The following TMEM131L variants were observed in gnomAD, a reference collection of about 807,000 sequenced individuals.
TMEM131L encodes transmembrane protein 131-like.
TMEM131L carries 54 observed loss-of-function variants against 192.2 expected under a neutral mutation model. The observed-to-expected ratio is 0.28, with a 90% CI of 0.23 to 0.35. The LOEUF (loss-of-function observed/expected upper bound fraction) is 0.35. Ranked by LOEUF, TMEM131L falls within the 10% of genes least tolerant of loss-of-function variation. The pLI is 1.00. For missense variants in TMEM131L, 1,888 were observed against 1,972.9 expected (o/e 0.96, Z 0.82); for synonymous variants, 701 against 704.9 (o/e 0.99, Z 0.09).
intron 6 of TMEM131L, 43 bp downstream of exon 6, chr4:153,557,125 T>G (rs1437821177): frequency 3.5e-6 from 3 of 868,106 alleles, no homozygotes; most frequent in Non-Finnish European, 5.9e-6. Flanking sequence ...GTTGGTGACT[T>G]AACTGTAGGG....
intron 26 of TMEM131L, among the ~76,000 whole-genome samples, chr4:153,617,289 C>T (rs1204197722): frequency 6.6e-6 from 1 of 152,166 alleles, no homozygotes; most frequent in African/African-American, 2.4e-5. Flanking sequence ...ACTGTGAGTC[C>T]AGTAAACCTC....
At chr4:153,600,864 A>C (rs180860696) in intron 21 of TMEM131L, among the ~76,000 whole-genome samples, 2 of 152,328 alleles carry the variant, frequency 1.3e-5, no homozygotes, top group Admixed American at 6.5e-5. Context: ...TAATCCCAGC[A>C]CTTTGGGAGC....
At chr4:153,582,935 T>A (rs970154111) in intron 9 of TMEM131L, among the ~76,000 whole-genome samples, 4 of 152,118 alleles carry the variant, frequency 2.6e-5, no homozygotes, top group Admixed American at 2.0e-4. Context: ...ATTTTGCTCC[T>A]GGTAGTTCCT....
In TMEM131L at chr4:153,602,671, G is replaced by C. The variant is rs868411416; in HGVS notation, c.2583G>C (p.Val861=). 1 of 1,614,072 alleles carries C rather than the reference G, an allele frequency of 6.2e-7. No individual in the cohort carries two copies. Among genetic ancestry groups the C allele is most frequent in the South Asian group, 1.1e-5 (1 of 91,080 alleles). The change falls in exon 23 of 35, where the codon GTG becomes GTC. Residue 861 remains valine (V), a synonymous_variant. Coordinates refer to ENST00000409959, the MANE Select transcript of TMEM131L (RefSeq NM_001131007.2). ...ACCTGTTGCCCTTGTGTGCAGACGT[G>C]GTTCCAGGACCCAGCTGGGAGGAGT... ...PHHLLPLCAD[V]VPGPSWEESF...
At chr4:153,509,081 A>C (rs1043406744) in intron 3 of TMEM131L, among the ~76,000 whole-genome samples, 3 of 152,194 alleles carry the variant, frequency 2.0e-5, no homozygotes, top group African/African-American at 7.2e-5. Context: ...GTGGTGGCTC[A>C]TACCTGTTAT....
chr4:153,495,028 T>C (rs1733067969), intron 3 of TMEM131L, among the ~76,000 whole-genome samples: 1 of 152,058 alleles, frequency 6.6e-6, no homozygotes, highest in Non-Finnish European at 1.5e-5. Flanking sequence ...AGAAAGTTGG[T>C]TTTATGGCCA....
chr4:153,622,991 C>G lies in TMEM131L; in HGVS notation c.3953C>G (p.Ala1318Gly). 6.2e-7 allele frequency: 1 copy of G among 1,614,208 alleles called. No individual in the cohort carries two copies. Among genetic ancestry groups the G allele is most frequent in the African/African-American group, 1.3e-5 (1 of 75,050 alleles). The change falls in exon 29 of 35, where the codon GCC becomes GGC. Residue 1318 changes from alanine (A) to glycine (G), a missense_variant. Ala to Gly is a moderately conservative substitution (Grantham distance 60, BLOSUM62 0). Coordinates refer to ENST00000409959, the MANE Select transcript of TMEM131L (RefSeq NM_001131007.2). ...DCGSSSGSVR[A>G]SRGSWGSWSS... ...GGGAGCTCCTCTGGCAGCGTGCGTG[C>G]CAGCCGGGGCAGCTGGGGGAGCTGG...
chr4:153,514,938 G>C (rs946988093), intron 3 of TMEM131L, among the ~76,000 whole-genome samples: 1 of 151,530 alleles, frequency 6.6e-6, no homozygotes, highest in Non-Finnish European at 1.5e-5. Flanking sequence ...CGGCCTCCCG[G>C]ATAGCTGGGA....
intron 31 of TMEM131L, among the ~76,000 whole-genome samples, chr4:153,629,039 C>G (rs2126859935): frequency 6.6e-6 from 1 of 152,270 alleles, no homozygotes; most frequent in South Asian, 2.1e-4. Flanking sequence ...ATTTCCTCGA[C>G]TCCTCTCCCT....
At chr4:153,584,176 C>T (rs971772388) in intron 11 of TMEM131L, among the ~76,000 whole-genome samples, 3 of 152,146 alleles carry the variant, frequency 2.0e-5, no homozygotes, top group African/African-American at 7.2e-5. Context: ...GACAGCGATG[C>T]GAGCAGTGTG....
intron 7 of TMEM131L, among the ~76,000 whole-genome samples, chr4:153,572,092 TAG>T (rs1252582131): frequency 6.6e-6 from 1 of 152,190 alleles, no homozygotes; most frequent in Non-Finnish European, 1.5e-5. Context: ...AGGTATGGGA[TAG>T]AGAGTGCTGT....
rs1316277396 is a variant in TMEM131L, at chr4:153,596,240, T to TA, written c.1996-16dup. The TA allele has an allele frequency of 5.0e-6, 8 of 1,612,954 alleles. No individual in the cohort carries two copies. Among genetic ancestry groups the TA allele is most frequent in the Non-Finnish European group, 6.8e-6 (8 of 1,179,378 alleles). The stretch of plus-strand genomic sequence containing the variant: ...TGCTTTCTAGGAGTATGACATGGTT[T>TA]AATTTGTTAATTTGCAGGGTACGCA... On this transcript the variant is annotated splice_polypyrimidine_tract_variant and intron_variant, in intron 19 of 34. Transcript: ENST00000409959.
intron 19 of TMEM131L, among the ~76,000 whole-genome samples, chr4:153,595,722 A>AC (rs1731385998): frequency 7.1e-6 from 1 of 141,808 alleles, no homozygotes; most frequent in African/African-American, 2.5e-5. Context: ...GCCAAAAAAA[A>AC]AAAAAAACAC....
At chr4:153,469,981 A>T (rs2149710953) in intron 2 of TMEM131L, among the ~76,000 whole-genome samples, 1 of 151,784 alleles carries the variant, frequency 6.6e-6, no homozygotes, top group South Asian at 2.1e-4. Context: ...ATTTGCCAAC[A>T]CTGTTTGTAT....
intron 20 of TMEM131L, among the ~76,000 whole-genome samples, chr4:153,596,889 T>G (rs1322470084): frequency 6.6e-6 from 1 of 152,260 alleles, no homozygotes; most frequent in East Asian, 1.9e-4. Context: ...GAGTTACTGC[T>G]GACTGATTTA....
In TMEM131L at chr4:153,604,036, A is replaced by G; in HGVS notation, c.3024A>G (p.Ser1008=). ...TSTTTEEKQT[S]PLGSSLPAAK... ...CGACTACTGAGGAAAAACAGACTTC[A>G]CCCCTGGGCAGCTCACTGCCTGCTG... is the stretch of plus-strand genomic sequence containing the variant. The change falls in exon 25 of 35, where the codon TCA becomes TCG. Residue 1008 remains serine (S), a synonymous_variant. Transcript: ENST00000409959. 1.2e-6 allele frequency: 2 copies of G among 1,614,016 alleles called. No individual in the cohort carries two copies. Among genetic ancestry groups the G allele is most frequent in the Non-Finnish European group, 1.7e-6 (2 of 1,180,012 alleles).
chr4:153,635,661 C>A, intron 34 of TMEM131L, 90 bp downstream of exon 34: 3 of 1,473,918 alleles, frequency 2.0e-6, no homozygotes, highest in South Asian at 1.3e-5. Context: ...CTAGCTTTAG[C>A]GTTGGGTTTG....
intron 2 of TMEM131L, among the ~76,000 whole-genome samples, chr4:153,469,602 G>A (rs1731009239): frequency 6.6e-6 from 1 of 152,154 alleles, no homozygotes; most frequent in East Asian, 1.9e-4. Context: ...GTCAGTAGTA[G>A]ATGAAATAGG....
At chr4:153,492,596 C>T (rs2149899105) in intron 3 of TMEM131L, among the ~76,000 whole-genome samples, 1 of 152,246 alleles carries the variant, frequency 6.6e-6, no homozygotes, top group Non-Finnish European at 1.5e-5. Context: ...ATGAAACTGG[C>T]ATGGCATGCC....
Sources: allele counts gnomAD v4.1 joint callset (sites outside exome capture counted in the v4.1 genomes callset), GRCh38; gene constraint gnomAD v4.1.1; transcripts MANE v1.5; gene names NCBI Gene and HGNC (gene_info 2026-07-23, HGNC 2026-07-21).